The following RIMBP2 variants were observed in gnomAD, a reference collection of about 807,000 sequenced individuals.
The protein encoded by RIMBP2 is RIMS-binding protein 2.
A neutral mutation model predicts 118.6 loss-of-function variants in RIMBP2; 48 were observed. The observed-to-expected ratio is 0.40, with a 90% CI of 0.32 to 0.51. RIMBP2 has a LOEUF of 0.51. Among genes scored for constraint, RIMBP2 ranks in the 20% least tolerant of loss-of-function variants. RIMBP2 has a pLI of 0.41. For synonymous variants in RIMBP2, 762 were observed against 742.9 expected, an observed-to-expected ratio of 1.03 and a Z score of -0.42; for missense variants, 1,551 against 1,768.3, an observed-to-expected ratio of 0.88 and a Z score of 2.20.
chr12:130,433,906 C>T (rs962694978), intron 14 of RIMBP2, among the ~76,000 whole-genome samples: 4 of 152,192 alleles, frequency 2.6e-5, no homozygotes, highest in Admixed American at 6.5e-5. Context: ...TTGTCTTAGC[C>T]GTGATTAGTT....
At chr12:130,459,558 T>C (rs4759467) in intron 6 of RIMBP2, among the ~76,000 whole-genome samples, 39,373 of 151,736 alleles carry the variant, frequency 0.26, 6,347 homozygotes, top group Non-Finnish European at 0.34. Context: ...CATACAGAGA[T>C]GGTGAAGATA....
At chr12:130,516,421 C>G (rs1337794562) in intron 3 of RIMBP2, among the ~76,000 whole-genome samples, 1 of 152,218 alleles carries the variant, frequency 6.6e-6, no homozygotes, top group Admixed American at 6.5e-5. Flanking sequence ...TCTGCAATCC[C>G]AAGCCCACAT....
intron 4 of RIMBP2, among the ~76,000 whole-genome samples, chr12:130,500,398 C>T (rs1044624159): frequency 6.6e-5 from 10 of 152,206 alleles, no homozygotes; most frequent in African/African-American, 2.4e-4. Flanking sequence ...GCGGAGGTTG[C>T]AGTGAGCCCA....
At chr12:130,689,153 GCT>G (rs2065203488) in intron 1 of RIMBP2, among the ~76,000 whole-genome samples, 1 of 152,160 alleles carries the variant, frequency 6.6e-6, no homozygotes, top group Non-Finnish European at 1.5e-5. Context: ...AACATGAGGG[GCT>G]CCCGTGTCCT....
intron 5 of RIMBP2, among the ~76,000 whole-genome samples, chr12:130,477,202 A>G (rs1036144448): frequency 2.0e-5 from 3 of 152,236 alleles, no homozygotes; most frequent in Non-Finnish European, 4.4e-5. Context: ...CACACAGAAG[A>G]GATCGTGGAC....
intron 22 of RIMBP2, chr12:130,398,003 G>A (rs2074194255): frequency 6.6e-6 from 1 of 152,298 alleles, no homozygotes; most frequent in South Asian, 2.1e-4. Flanking sequence ...TGGGGTGGTT[G>A]GTATACTATA....
At chr12:130,569,129 C>T (rs1433833506) in intron 2 of RIMBP2, among the ~76,000 whole-genome samples, 2 of 152,144 alleles carry the variant, frequency 1.3e-5, no homozygotes, top group African/African-American at 4.8e-5. Flanking sequence ...GGAACACCTA[C>T]TAGACAGTCC....
intron 2 of RIMBP2, among the ~76,000 whole-genome samples, chr12:130,552,957 CCTGG>C (rs966113139): frequency 1.3e-4 from 20 of 151,950 alleles, no homozygotes; most frequent in Middle Eastern, 3.4e-3. Flanking sequence ...TCGAGACTAT[CCTGG>C]CTAACATGGT....
chr12:130,425,883 C>T (rs1207813508), intron 15 of RIMBP2: 1 of 152,538 alleles, frequency 6.6e-6, no homozygotes, highest in East Asian at 1.9e-4. Context: ...TCTTGGGGAC[C>T]ATGTGGGATT....
At chr12:130,503,232 C>CA (rs199605333) in intron 4 of RIMBP2, among the ~76,000 whole-genome samples, 14,439 of 145,440 alleles carry the variant, frequency 0.099, 713 homozygotes, top group East Asian at 0.15. Flanking sequence ...ACTAAAAATA[C>CA]AAAAAAAAAA....
rs1594127508 is a variant in RIMBP2, at chr12:130,641,956, AC to A, written c.-351-13501del. Among the ~76,000 whole-genome samples, 8 of 152,038 alleles carry A rather than the reference AC, an allele frequency of 5.3e-5. No individual in the cohort carries two copies. In the South Asian group the frequency reaches 1.7e-3, roughly 32 times the overall value. On this transcript the variant is annotated intron_variant, in intron 1 of 22. Transcript: ENST00000690449. ...ACCCTGACTCTATAGATAAGCCACTACCCCCATTGTACAGATGAGAAAACTG... is the reference window on the plus strand; with the variant it reads ...ACCCTGACTCTATAGATAAGCCACTACCCCATTGTACAGATGAGAAAACTG...
chr12:130,497,548 G>A (rs920597142), intron 4 of RIMBP2, among the ~76,000 whole-genome samples: 3 of 152,194 alleles, frequency 2.0e-5, no homozygotes, highest in Non-Finnish European at 2.9e-5. Flanking sequence ...CGTTCTGGCC[G>A]TGGCTGTGAG....
chr12:130,497,899 T>C (rs1253373957), intron 4 of RIMBP2, among the ~76,000 whole-genome samples: 1 of 152,072 alleles, frequency 6.6e-6, no homozygotes, highest in Non-Finnish European at 1.5e-5. Flanking sequence ...GGTGGGGAGA[T>C]CCTTGTCTGA....
intron 2 of RIMBP2, among the ~76,000 whole-genome samples, chr12:130,600,848 G>A (rs981832562): frequency 1.3e-5 from 2 of 152,202 alleles, no homozygotes; most frequent in Non-Finnish European, 2.9e-5. Context: ...AATGCTCCAA[G>A]GGATGACCAA....
intron 2 of RIMBP2, among the ~76,000 whole-genome samples, chr12:130,619,217 C>T (rs141557827): frequency 1.4e-4 from 21 of 152,200 alleles, no homozygotes; most frequent in East Asian, 1.9e-4. Flanking sequence ...GAATACTACG[C>T]GAGCAAAGGT....
chr12:130,428,480 T>G (rs1423400591), intron 14 of RIMBP2, 143 bp from the exon 15 acceptor site: 2 of 779,734 alleles, frequency 2.6e-6, no homozygotes, highest in Non-Finnish European at 3.9e-6. Context: ...TGTGTGTTAC[T>G]CGTTCTGGAA....
Position 130,397,278 on chromosome 12 carries a change from T to G in RIMBP2, c.*83A>C. Reference sequence around the variant, plus strand: ...GTCAGGGGAGAAGATTGGGTTTTTTTAGGAAGTACTTGAGTCATGAAAGCC... The same window carrying G: ...GTCAGGGGAGAAGATTGGGTTTTTTGAGGAAGTACTTGAGTCATGAAAGCC... On this transcript the variant is annotated 3_prime_UTR_variant, in exon 23 of 23. Transcript: ENST00000690449. The G allele has an allele frequency of 2.5e-6, 1 of 397,228 alleles. No homozygotes were observed. Among genetic ancestry groups the G allele is most frequent in the Non-Finnish European group, 4.4e-6 (1 of 225,374 alleles). The allele number at this position is 397,228 out of a possible 1,614,324, so 24.6% of individuals were successfully genotyped here.
Position 130,703,366 on chromosome 12 carries a change from T to A in RIMBP2, c.-352+12856A>T, listed in dbSNP as rs2065951502. Among the ~76,000 whole-genome samples the A allele has an allele frequency of 6.6e-6, 1 of 152,218 alleles. No individual in the cohort carries two copies. The highest frequency in any genetic ancestry group is 2.1e-4 in the South Asian group (1 of 4,824). On this transcript the variant is annotated intron_variant, in intron 1 of 22. Transcript: ENST00000690449. This position sits in a 1 kb window ranked among gnomAD's most constrained non-coding sequence, Gnocchi z 5.7. ...TAATTCACTAATAAGAAAATCACCA[T>A]CTAACATCAGTGTTTGAAAATGACC...
Position 130,436,832 on chromosome 12 carries a change from C to T in RIMBP2, c.2106+10G>A, listed in dbSNP as rs932152537. On this transcript the variant is annotated intron_variant, in intron 13 of 22. Transcript: ENST00000690449. The stretch of plus-strand genomic sequence containing the variant: ...CTGAGGAGCCACCGAGGCGGGAGCC[C>T]CAGCCTTACCCTGCTGCTCTCGGCC... 9.3e-6 allele frequency: 13 copies of T among 1,391,942 alleles called. No individual in the cohort carries two copies. The Admixed American group carries it at 1.6e-4, about 17-fold the overall frequency. 86.2% of individuals were successfully genotyped at this position (1,391,942 alleles called of 1,614,324 possible).
Sources: gnomAD v4.1 joint callset for allele counts (sites outside exome capture counted in the v4.1 genomes callset) on GRCh38, gnomAD v4.1.1 for gene constraint, Gnocchi (gnomAD v3.1) non-coding constraint, MANE v1.5 for transcripts, NCBI Gene and HGNC (gene_info 2026-07-23, HGNC 2026-07-21) for gene names.